HIPK1: variants seen among roughly 807,000 people sequenced by gnomAD.
HIPK1 encodes homeodomain-interacting protein kinase 1.
In HIPK1, 28 loss-of-function variants were observed where a neutral mutation model predicts 117.1. The ratio of observed to expected loss-of-function variants is 0.24; its 90% CI spans 0.18 to 0.33. The LOEUF is 0.33. HIPK1 is among the 10% of genes least tolerant of loss of function. The probability of loss-of-function intolerance (pLI) is 1.00; values close to 1 mark genes in which losing one functional copy is unlikely to be tolerated. For synonymous variants in HIPK1, 605 were observed against 562.5 expected (o/e 1.08, Z -1.07); for missense variants, 1,122 against 1,475.1 (o/e 0.76, Z 3.92).
chr1:113,938,928 ATACACACACAC>A (rs1355876960), intron 1 of HIPK1, among the ~76,000 whole-genome samples: 12 of 11,836 alleles, frequency 1.0e-3, no homozygotes, highest in African/African-American at 4.0e-3. Flanking sequence ...AAAAAAAAAA[ATACACACACAC>A]ACACACACAC....
At position 113,944,641 on chromosome 1, in the gene HIPK1, A is replaced by C. The variant is rs190008583; in HGVS notation, c.1076+3182A>C. Among the ~76,000 whole-genome samples, 309 of 151,192 alleles carry C rather than the reference A, an allele frequency of 2.0e-3. 4 individuals carry two copies. Among genetic ancestry groups the C allele is most frequent in the Middle Eastern group, 0.01 (3 of 292 alleles). On this transcript the variant is annotated intron_variant, in intron 2 of 15. Transcript: ENST00000426820. Reference sequence around the variant, plus strand: ...TGGGAATACAGGTGCCACCATGCCCAGCTAATTTTTGTATTTTTAGTAGAG... The same window carrying C: ...TGGGAATACAGGTGCCACCATGCCCCGCTAATTTTTGTATTTTTAGTAGAG...
chr1:113,962,220 G>A lies in HIPK1; in HGVS notation c.1982-97G>A, dbSNP rs544335262. On this transcript the variant is annotated intron_variant, in intron 8 of 15. Transcript: ENST00000426820. Reference sequence around the variant, plus strand: ...AGTGTCTAGGATTAAAACCTGAACAGTGGATTATTTGAACAGAGAAGCTGA... The same window carrying A: ...AGTGTCTAGGATTAAAACCTGAACAATGGATTATTTGAACAGAGAAGCTGA... The A allele has an allele frequency of 4.8e-5, 61 of 1,266,724 alleles. 1 individual carries two copies. In the South Asian group the frequency reaches 7.3e-4, roughly 15 times the overall value. The allele number at this position is 1,266,724 out of a possible 1,614,324, so 78.5% of individuals were successfully genotyped here.
rs753009603 is a variant in HIPK1, at chr1:113,973,113, C to T, written c.3234C>T (p.Ser1078=). 1.9e-6 allele frequency: 3 copies of T among 1,571,754 alleles called. No individual in the cohort carries two copies. Among genetic ancestry groups the T allele is most frequent in the African/African-American group, 2.7e-5 (2 of 74,098 alleles). Residue 1078 remains serine, a synonymous_variant, in exon 16 of 16, where the codon TCC becomes TCT. Transcript: ENST00000426820. The part of the protein sequence containing the change: ...RRQQAFVAPL[S]QAPYTFQHGS... ...AGCAGGCGTTTGTGGCCCCTCTCTC[C>T]CAAGCCCCCTACACCTTCCAGCATG...
At chr1:113,957,513 A>G (rs1671803550) in intron 7 of HIPK1, among the ~76,000 whole-genome samples, 1 of 152,228 alleles carries the variant, frequency 6.6e-6, no homozygotes, top group Non-Finnish European at 1.5e-5. Flanking sequence ...TATGTTCAGC[A>G]TCGTCAAATA....
rs1672256954 is a variant in HIPK1 at position 113,963,483 on chromosome 1, G to A, written c.2200G>A (p.Gly734Ser). ...GCCCTTTACTCTGAGCTGCGCAGCCGGCCGGCCGGCGCTGGTTGAACAGAC... is the reference window on the plus strand; with the variant it reads ...GCCCTTTACTCTGAGCTGCGCAGCCAGCCGGCCGGCGCTGGTTGAACAGAC... ...AVPFTLSCAA[G>S]RPALVEQTAA... The change falls in exon 10 of 16, where the codon GGC becomes AGC. Residue 734 changes from glycine (G) to serine (S), a missense_variant. Transcript: ENST00000426820. The A allele has an allele frequency of 1.2e-6, 2 of 1,613,956 alleles. No homozygotes were observed. Among genetic ancestry groups the A allele is most frequent in the East Asian group, 2.2e-5 (1 of 44,866 alleles).
Position 113,938,249 on chromosome 1 carries a change from C to T in HIPK1, c.-2-2133C>T, listed in dbSNP as rs535223067. On this transcript the variant is annotated intron_variant, in intron 1 of 15. Coordinates refer to ENST00000426820, the MANE Select transcript of HIPK1 (RefSeq NM_198268.3). ...GTTCCTAAAGTGCCAGGATTACAGG[C>T]GTGAGCCACCACATCTGGCCTAATT... Among the ~76,000 whole-genome samples the T allele has an allele frequency of 2.1e-3, 317 of 151,328 alleles. 4 individuals are homozygous for T. The highest frequency in any genetic ancestry group is 7.2e-3 in the African/African-American group (296 of 41,186).
chr1:113,958,307 C>A lies in HIPK1; in HGVS notation c.1981+16C>A. 6.4e-7 allele frequency: 1 copy of A among 1,561,526 alleles called. No individual in the cohort carries two copies. The highest frequency in any genetic ancestry group is 8.8e-7 in the Non-Finnish European group (1 of 1,135,456). On this transcript the variant is annotated intron_variant, in intron 8 of 15. Transcript: ENST00000426820. ...GCGTTTCAAAGTAAGTGGGGAAACT[C>A]CTGTATCATATGGTATTGTATCAGA... is the stretch of plus-strand genomic sequence containing the variant.
At chr1:113,929,845 G>A (rs868724860) in intron 1 of HIPK1, 181 of 987,930 alleles carry the variant, frequency 1.8e-4, no homozygotes, top group Middle Eastern at 1.0e-3. Flanking sequence ...CGCGCGGGGG[G>A]TATGATGACC....
chr1:113,962,709 G>A (rs1190627560), intron 9 of HIPK1, among the ~76,000 whole-genome samples: 2 of 152,142 alleles, frequency 1.3e-5, no homozygotes, highest in Non-Finnish European at 2.9e-5. Context: ...TTTGCGGGGT[G>A]AAGCGTTTTT....
In HIPK1 at chr1:113,929,481, T is replaced by A. The variant is rs1256714586; in HGVS notation, c.-54T>A. ...CGAGGCCCACCGACTCCTACTGCAA[T>A]CAGTACTATGCGATCGTCCTAGAGA... On this transcript the variant is annotated 5_prime_UTR_variant, in exon 1 of 16. Coordinates refer to ENST00000426820, the MANE Select transcript of HIPK1 (RefSeq NM_198268.3). The A allele has an allele frequency of 7.8e-7, 1 of 1,289,246 alleles. No individual in the cohort carries two copies. The highest frequency in any genetic ancestry group is 5.5e-5 in the East Asian group (1 of 18,074). 79.9% of individuals were successfully genotyped at this position (1,289,246 alleles called of 1,614,324 possible). A position where few individuals can be genotyped will look rare whatever the true frequency, so the allele number is the denominator to read the frequency against.
In HIPK1 at chr1:113,973,615, T is replaced by G. The variant is rs1672993431; in HGVS notation, c.*103T>G. 35 of 1,347,078 alleles carry G rather than the reference T, an allele frequency of 2.6e-5. No individual in the cohort carries two copies. The highest frequency in any genetic ancestry group is 3.1e-5 in the Non-Finnish European group (31 of 1,006,174). 83.4% of individuals were successfully genotyped at this position (1,347,078 alleles called of 1,614,324 possible). A position where few individuals can be genotyped will look rare whatever the true frequency, so the allele number is the denominator to read the frequency against. The stretch of plus-strand genomic sequence containing the variant: ...CCTCCTTTACCCTCTTGAAATTTCT[T>G]AGCCAGCAACTTGTTCTGCAGGGGC... On this transcript the variant is annotated 3_prime_UTR_variant, in exon 16 of 16. Coordinates refer to ENST00000426820, the MANE Select transcript of HIPK1 (RefSeq NM_198268.3).
At chr1:113,963,596 T>A in intron 10 of HIPK1, 75 bp downstream of exon 10, 1 of 1,527,732 alleles carries the variant, frequency 6.5e-7, no homozygotes, top group Non-Finnish European at 8.8e-7. Flanking sequence ...TCCTGTTTGT[T>A]TTTGTTCTGT....
In HIPK1 at chr1:113,957,279, A is replaced by C; in HGVS notation, c.1748A>C (p.His583Pro). The C allele has an allele frequency of 6.2e-7, 1 of 1,609,716 alleles. No individual in the cohort carries two copies. Among genetic ancestry groups the C allele is most frequent in the Non-Finnish European group, 8.5e-7 (1 of 1,177,450 alleles). ...TTCAGCAATCAGCTCAATACAGTGC[A>C]CAATCAGGTATTCAATAAATAATTT... Reference protein sequence around the residue: ...MSFSNQLNTVHNQASVLASSS... With the variant: ...MSFSNQLNTVPNQASVLASSS... Residue 583 changes from histidine to proline, a missense_variant, in exon 7 of 16, where the codon CAC becomes CCC. Around this residue, in one of 6 missense-constraint regions of HIPK1, gnomAD observed 731 missense variants for 860.4 expected, o/e 0.85. Coordinates refer to ENST00000426820, the MANE Select transcript of HIPK1 (RefSeq NM_198268.3).
chr1:113,958,419 G>A, intron 8 of HIPK1, 128 bp downstream of exon 8: 1 of 638,732 alleles, frequency 1.6e-6, no homozygotes, highest in Non-Finnish European at 2.7e-6. Context: ...AACTAAAATT[G>A]GGTAATATCA....
rs1670575600 is a variant in HIPK1, at chr1:113,940,496, G to T, written c.113G>T (p.Ser38Ile). The T allele has an allele frequency of 8.7e-6, 14 of 1,614,140 alleles. No homozygotes were observed. The highest frequency in any genetic ancestry group is 1.2e-5 in the Non-Finnish European group (14 of 1,180,038). Reference protein sequence around the residue: ...PSGWDVSGQSSNDKYYTHSKT... With the variant: ...PSGWDVSGQSINDKYYTHSKT... Reference sequence around the variant, plus strand: ...GGCTGGGATGTTTCAGGACAGAGTAGCAACGACAAATATTATACCCACAGC... The same window carrying T: ...GGCTGGGATGTTTCAGGACAGAGTATCAACGACAAATATTATACCCACAGC... The change falls in exon 2 of 16, where the codon AGC becomes ATC. Residue 38 changes from serine (S) to isoleucine (I), a missense_variant. Ser to Ile is a moderately radical substitution (Grantham distance 142). Around this residue, in one of 6 missense-constraint regions of HIPK1, gnomAD observed 192 missense variants for 234.0 expected, o/e 0.82. Coordinates refer to ENST00000426820, the MANE Select transcript of HIPK1 (RefSeq NM_198268.3).
chr1:113,954,652 T>G lies in HIPK1; in HGVS notation c.1202T>G (p.Ile401Ser), dbSNP rs1208493472. ...TGTTTGATGGTTTTGATGTTTCAGA[T>G]TCGTTATATTTCACAAACACAAGGC... ...LYPGASEYDQ[I>S]RYISQTQGLP... is the part of the protein sequence containing the mutation. The change falls in exon 4 of 16, where the codon ATT becomes AGT. Residue 401 changes from isoleucine (I) to serine (S), a missense_variant and splice_region_variant. This residue lies in a region of HIPK1 where 127 missense variants were observed against 197.9 expected (regional missense o/e 0.64). Coordinates refer to ENST00000426820, the MANE Select transcript of HIPK1 (RefSeq NM_198268.3). 1 of 1,613,800 alleles carries G rather than the reference T, an allele frequency of 6.2e-7. No homozygotes were observed. The highest frequency in any genetic ancestry group is 8.5e-7 in the Non-Finnish European group (1 of 1,179,682).
intron 1 of HIPK1, among the ~76,000 whole-genome samples, chr1:113,936,739 T>A (rs115477052): frequency 0.016 from 2,416 of 152,298 alleles, 70 homozygotes; most frequent in African/African-American, 0.055. Context: ...AATACATTTT[T>A]AAAAATTTGG....
At chr1:113,955,534 AT>A in intron 4 of HIPK1, 28 bp from the exon 5 acceptor site, 1 of 1,280,856 alleles carries the variant, frequency 7.8e-7, no homozygotes, top group Non-Finnish European at 1.1e-6. Flanking sequence ...TACAGATGGA[AT>A]TTAAGGAGGA....
rs1672986303 is a variant in HIPK1, at chr1:113,973,533, G to A, written c.*21G>A. On this transcript the variant is annotated 3_prime_UTR_variant, in exon 16 of 16. Transcript: ENST00000426820. ...TATAGTTGGTGAGCATGAGGGAGGA[G>A]GAATCATGGCTACCTTCTCCTGGCC... 6.4e-7 allele frequency: 1 copy of A among 1,553,360 alleles called. No homozygotes were observed. The highest frequency in any genetic ancestry group is 8.7e-7 in the Non-Finnish European group (1 of 1,146,510).
Sources: gnomAD v4.1 joint callset for allele counts (sites outside exome capture counted in the v4.1 genomes callset) on GRCh38, gnomAD v4.1.1 for gene constraint, gnomAD v4.1.1 regional missense constraint, MANE v1.5 for transcripts, NCBI Gene and HGNC (gene_info 2026-07-23, HGNC 2026-07-21) for gene names.